SBF2: variants seen among roughly 807,000 people sequenced by gnomAD.
SBF2 encodes SET binding factor 2.
Under a neutral mutation model 225.2 loss-of-function variants are expected in SBF2, and 112 were observed. That is an observed-to-expected ratio of 0.50 (90% CI 0.43 to 0.58). The LOEUF is 0.58. Among genes scored for constraint, SBF2 ranks in the 20% least tolerant of loss-of-function variants. The pLI is 0.00. For synonymous variants in SBF2, 763 were observed against 773.3 expected (o/e 0.99, Z 0.22); for missense variants, 1,996 against 2,206.2 (o/e 0.90, Z 1.91).
At chr11:10,053,925 C>CAA (rs78464162) in intron 2 of SBF2, among the ~76,000 whole-genome samples, 1 of 134,790 alleles carries the variant, frequency 7.4e-6, no homozygotes, top group Non-Finnish European at 1.6e-5. Context: ...GTTCTTCCAC[C>CAA]AAAAAAAAAA....
chr11:10,143,395 C>T (rs1021067870), intron 2 of SBF2, among the ~76,000 whole-genome samples: 5 of 152,170 alleles, frequency 3.3e-5, no homozygotes, highest in Non-Finnish European at 7.3e-5. Context: ...TGGTCTCGAA[C>T]TCCTGACCTC....
chr11:10,135,849 G>A (rs61878638), intron 2 of SBF2, among the ~76,000 whole-genome samples: 13 of 151,822 alleles, frequency 8.6e-5, no homozygotes, highest in African/African-American at 2.9e-4. Context: ...TTCCAACCTC[G>A]GCCTGCTACC....
intron 13 of SBF2, among the ~76,000 whole-genome samples, chr11:9,981,898 A>G (rs1439026965): frequency 6.6e-6 from 1 of 152,284 alleles, no homozygotes; most frequent in African/African-American, 2.4e-5. Flanking sequence ...TCTTCCCTCA[A>G]CTTTTCCCTG....
rs773210379 is a variant in SBF2, at chr11:9,851,135, CA to C, written c.2611-918del. ...TGGGCAACAGAGCAAGACTCCATCT[CA>C]AAAAAAAAAAAAACAACAACAAAAA... On this transcript the variant is annotated intron_variant, in intron 21 of 39. Transcript: ENST00000256190. Among the ~76,000 whole-genome samples, 168 of 72,488 alleles carry C rather than the reference CA, an allele frequency of 2.3e-3. 4 individuals are homozygous for C. Among genetic ancestry groups the C allele is most frequent in the East Asian group, 9.2e-3 (23 of 2,508 alleles). The allele number at this position is 72,488 out of a possible 152,430, so 47.6% of individuals were successfully genotyped here.
At chr11:9,788,588 AC>A (rs1237900900) in intron 35 of SBF2, among the ~76,000 whole-genome samples, 23 of 97,684 alleles carry the variant, frequency 2.4e-4, no homozygotes, top group Non-Finnish European at 2.0e-5. Context: ...CTGGAAAATC[AC>A]TTTTTTTTTT....
intron 3 of SBF2, among the ~76,000 whole-genome samples, chr11:10,038,518 G>A (rs140978931): frequency 5.1e-4 from 77 of 151,976 alleles, no homozygotes; most frequent in African/African-American, 1.8e-3. Flanking sequence ...AACTCTGTAT[G>A]ATTTATTCCA....
intron 31 of SBF2, 99 bp from the exon 32 acceptor site, chr11:9,808,284 A>G: frequency 9.6e-7 from 1 of 1,036,938 alleles, no homozygotes; most frequent in South Asian, 1.4e-5. Context: ...TAATTCACAA[A>G]TTTACCTGGA....
chr11:9,976,072 C>G (rs56332706), intron 13 of SBF2, among the ~76,000 whole-genome samples: 7 of 128,262 alleles, frequency 5.5e-5, no homozygotes, highest in Non-Finnish European at 6.6e-5. Flanking sequence ...TCTTCTTCTT[C>G]TTTTTTTTTT....
chr11:10,074,535 A>G (rs1951021813), intron 2 of SBF2, among the ~76,000 whole-genome samples: 1 of 152,160 alleles, frequency 6.6e-6, no homozygotes, highest in Non-Finnish European at 1.5e-5. Flanking sequence ...TTATCTCTCA[A>G]AGTTATCTCT....
At position 9,938,707 on chromosome 11, in the gene SBF2, A is replaced by G. The variant is rs79824149; in HGVS notation, c.1860+23250T>C. 5.8e-3 allele frequency among the ~76,000 whole-genome samples: 882 copies of G among 152,302 alleles called. 6 individuals are homozygous for G. Among genetic ancestry groups the G allele is most frequent in the Non-Finnish European group, 7.7e-3 (527 of 68,032 alleles). On this transcript the variant is annotated intron_variant, in intron 16 of 39. Transcript: ENST00000256190. ...ACTGGCCATTCTTTCAGAAGAAAAT[A>G]AAACTGGATATTTCTAATATACTGT...
At chr11:9,967,953 C>G (rs954941270) in intron 14 of SBF2, among the ~76,000 whole-genome samples, 1,113 of 104,630 alleles carry the variant, frequency 0.011, 28 homozygotes, top group East Asian at 0.095. Context: ...GTCTGTCTCT[C>G]TCTCTCTCTC....
chr11:10,180,571 T>C (rs12282728), intron 2 of SBF2, among the ~76,000 whole-genome samples: 3,160 of 152,276 alleles, frequency 0.021, 85 homozygotes, highest in African/African-American at 0.062. Flanking sequence ...TTAAATCTGC[T>C]AGCTGTTCTA....
chr11:9,830,975 T>C (rs926643155), intron 27 of SBF2, among the ~76,000 whole-genome samples: 3 of 152,142 alleles, frequency 2.0e-5, no homozygotes, highest in African/African-American at 4.8e-5. Context: ...ATAACATATA[T>C]GCTTGTGTTC....
chr11:9,980,289 TAAAAA>T (rs1170874978), intron 13 of SBF2, among the ~76,000 whole-genome samples: 8 of 105,862 alleles, frequency 7.6e-5, no homozygotes, highest in Middle Eastern at 5.3e-3. Context: ...CTCTTGTAAT[TAAAAA>T]AAAAAAAAAA....
intron 1 of SBF2, among the ~76,000 whole-genome samples, chr11:10,282,170 C>T (rs1405423028): frequency 6.6e-6 from 1 of 152,134 alleles, no homozygotes; most frequent in African/African-American, 2.4e-5. Flanking sequence ...GTTATTTCCT[C>T]CTCCTTGAAA....
At chr11:10,077,686 T>C (rs898153421) in intron 2 of SBF2, among the ~76,000 whole-genome samples, 3 of 152,194 alleles carry the variant, frequency 2.0e-5, no homozygotes, top group Non-Finnish European at 2.9e-5. Context: ...TTAAAAATCC[T>C]AGAAGAAAAC....
intron 1 of SBF2, among the ~76,000 whole-genome samples, chr11:10,230,814 C>A (rs999535434): frequency 1.3e-5 from 2 of 152,064 alleles, no homozygotes; most frequent in African/African-American, 4.8e-5. Context: ...CAAGGAGTAT[C>A]TTTGTGGCGT....
chr11:10,254,890 G>A (rs1423894500), intron 1 of SBF2, among the ~76,000 whole-genome samples: 18 of 73,042 alleles, frequency 2.5e-4, no homozygotes, highest in African/African-American at 9.8e-4. Flanking sequence ...GACAGAGTGA[G>A]ACTCTGTCTC....
At chr11:10,101,971 T>C (rs778647949) in intron 2 of SBF2, among the ~76,000 whole-genome samples, 1 of 152,162 alleles carries the variant, frequency 6.6e-6, no homozygotes, top group Non-Finnish European at 1.5e-5. Context: ...TCTTGTTTTA[T>C]GTCCTTAAGA....
Sources: gnomAD v4.1 joint callset for allele counts (sites outside exome capture counted in the v4.1 genomes callset) on GRCh38, gnomAD v4.1.1 for gene constraint, MANE v1.5 for transcripts, NCBI Gene and HGNC (gene_info 2026-07-23, HGNC 2026-07-21) for gene names.